The following JMJD1C variants were observed in gnomAD, a reference collection of about 807,000 sequenced individuals.
JMJD1C encodes the protein jumonji domain containing 1C.
A neutral mutation model predicts 245.3 loss-of-function variants in JMJD1C; 31 were observed. That is an observed-to-expected ratio of 0.13 (90% CI 0.09 to 0.17). JMJD1C has a LOEUF of 0.17. JMJD1C is among the 10% of genes least tolerant of loss of function. The probability of loss-of-function intolerance (pLI) is 1.00; values close to 1 mark genes in which losing one functional copy is unlikely to be tolerated. For synonymous variants in JMJD1C, 1,057 were observed against 1,017.4 expected, an observed-to-expected ratio of 1.04 and a Z score of -0.74; for missense variants, 2,691 against 3,000.2, an observed-to-expected ratio of 0.90 and a Z score of 2.41.
rs544257430 is a variant in JMJD1C, at chr10:63,344,735, A to G, written c.333+35583T>C. Among the ~76,000 whole-genome samples, 4 of 126,374 alleles carry G rather than the reference A, an allele frequency of 3.2e-5. No homozygotes were observed. In the East Asian group the frequency reaches 1.5e-3, roughly 48 times the overall value. 82.9% of individuals were successfully genotyped at this position (126,374 alleles called of 152,430 possible). A position where few individuals can be genotyped will look rare whatever the true frequency, so the allele number is the denominator to read the frequency against. The stretch of plus-strand genomic sequence containing the variant: ...AAATGATTTAAACAAGCATGTCTCC[A>G]AAAAAAAAATAGACGGTAAAAAAGT... On this transcript the variant is annotated intron_variant, in intron 2 of 25. Coordinates refer to ENST00000399262, the MANE Select transcript of JMJD1C (RefSeq NM_032776.3).
At chr10:63,399,454 G>A (rs1272940551) in intron 1 of JMJD1C, among the ~76,000 whole-genome samples, 1 of 151,956 alleles carries the variant, frequency 6.6e-6, no homozygotes, top group Non-Finnish European at 1.5e-5. Context: ...TTTTTACAGT[G>A]GTCAGAATTA....
At chr10:63,428,501 T>C (rs1418272077) in intron 1 of JMJD1C, among the ~76,000 whole-genome samples, 1 of 152,234 alleles carries the variant, frequency 6.6e-6, no homozygotes, top group Non-Finnish European at 1.5e-5. Flanking sequence ...ATCCTTAAAA[T>C]TCCTTTCTTG....
intron 3 of JMJD1C, among the ~76,000 whole-genome samples, chr10:63,261,589 A>C (rs1854765565): frequency 6.6e-6 from 1 of 152,094 alleles, no homozygotes; most frequent in Non-Finnish European, 1.5e-5. Context: ...AGAAGAAAAA[A>C]AGCTGACCAG....
intron 2 of JMJD1C, among the ~76,000 whole-genome samples, chr10:63,379,150 T>A (rs7910927): frequency 6.6e-6 from 1 of 151,676 alleles, no homozygotes; most frequent in Non-Finnish European, 1.5e-5. Context: ...AAATAGAAAA[T>A]TTATATGCAT....
chr10:63,217,193 G>A lies in JMJD1C; in HGVS notation c.678+14C>T, dbSNP rs769562971. 2.1e-5 allele frequency: 33 copies of A among 1,596,256 alleles called. No individual in the cohort carries two copies. The highest frequency in any genetic ancestry group is 2.6e-5 in the Non-Finnish European group (31 of 1,173,716). On this transcript the variant is annotated intron_variant, in intron 5 of 25. Coordinates refer to ENST00000399262, the MANE Select transcript of JMJD1C (RefSeq NM_032776.3). ...TTTTAAAATCTCTATAAAAATATTA[G>A]TGGAACTATTTACCTGATCATTCAT...
intron 22 of JMJD1C, among the ~76,000 whole-genome samples, chr10:63,182,314 G>C (rs999032604): frequency 6.6e-6 from 1 of 152,206 alleles, no homozygotes; most frequent in Non-Finnish European, 1.5e-5. Flanking sequence ...TATTCAAAGA[G>C]GTTGTGATTA....
intron 2 of JMJD1C, among the ~76,000 whole-genome samples, chr10:63,336,665 C>G (rs1488825723): frequency 6.6e-6 from 1 of 152,092 alleles, no homozygotes; most frequent in Non-Finnish European, 1.5e-5. Flanking sequence ...CACCATCTGT[C>G]TCAATGACAT....
intron 1 of JMJD1C, among the ~76,000 whole-genome samples, chr10:63,440,098 G>A (rs1259141274): frequency 6.6e-6 from 1 of 152,184 alleles, no homozygotes; most frequent in Non-Finnish European, 1.5e-5. Context: ...ACTTTGGGAG[G>A]CCAAGGTGGG....
At chr10:63,390,851 T>A (rs1169460364) in intron 1 of JMJD1C, among the ~76,000 whole-genome samples, 1 of 152,060 alleles carries the variant, frequency 6.6e-6, no homozygotes, top group Non-Finnish European at 1.5e-5. Flanking sequence ...TACCTCAACA[T>A]AATAAAGGCC....
intron 1 of JMJD1C, among the ~76,000 whole-genome samples, chr10:63,433,378 G>A (rs1589740303): frequency 6.6e-6 from 1 of 152,150 alleles, no homozygotes; most frequent in Admixed American, 6.5e-5. Context: ...TTACAGGCTT[G>A]TGCCACCGCG....
At chr10:63,386,773 G>A (rs984633549) in intron 1 of JMJD1C, among the ~76,000 whole-genome samples, 1 of 152,072 alleles carries the variant, frequency 6.6e-6, no homozygotes, top group Non-Finnish European at 1.5e-5. Flanking sequence ...ACTATGCCAC[G>A]CCTACCGCCC....
In JMJD1C at chr10:63,203,145, GATATT is replaced by G. The variant is rs539803523; in HGVS notation, c.5075-2473_5075-2469del. On this transcript the variant is annotated intron_variant, in intron 10 of 25. Coordinates refer to ENST00000399262, the MANE Select transcript of JMJD1C (RefSeq NM_032776.3). ...GGCCCAATTCATACGTAGAGCTTTT[GATATT>G]ATAATTTTTGCTTCTAGACAAGGCC... 95 of 984,824 alleles carry G rather than the reference GATATT, an allele frequency of 9.6e-5. No individual in the cohort carries two copies. The African/African-American group carries it at 1.5e-3, about 16-fold the overall frequency. 61.0% of individuals were successfully genotyped at this position (984,824 alleles called of 1,614,324 possible).
intron 2 of JMJD1C, among the ~76,000 whole-genome samples, chr10:63,315,820 C>CTAT (rs1939945365): frequency 9.4e-6 from 1 of 106,050 alleles, no homozygotes; most frequent in African/African-American, 3.9e-5. Context: ...AGCCTGGGGA[C>CTAT]AGAGTGAGAC....
rs987114657 is a variant in JMJD1C at position 63,432,446 on chromosome 10, G to C, written c.168+33049C>G. 2.6e-5 allele frequency among the ~76,000 whole-genome samples: 4 copies of C among 152,244 alleles called. No homozygotes were observed. In the East Asian group the frequency reaches 7.7e-4, roughly 29 times the overall value. ...AAGCAAATGAACCCACCCATTGTGT[G>C]TGTGTGACACTATGAGCCTTCTTGC... On this transcript the variant is annotated intron_variant, in intron 1 of 25. Coordinates refer to ENST00000399262, the MANE Select transcript of JMJD1C (RefSeq NM_032776.3).
intron 2 of JMJD1C, among the ~76,000 whole-genome samples, chr10:63,275,843 A>G (rs1214255458): frequency 6.6e-6 from 1 of 152,192 alleles, no homozygotes; most frequent in Non-Finnish European, 1.5e-5. Context: ...CAACCATATT[A>G]GTTATCAACA....
chr10:63,482,485 A>G (rs1393312872), intron 1 of JMJD1C, among the ~76,000 whole-genome samples: 1 of 152,058 alleles, frequency 6.6e-6, no homozygotes, highest in East Asian at 1.9e-4. Context: ...AAAATACAAA[A>G]CTTAGCTGGA....
intron 1 of JMJD1C, among the ~76,000 whole-genome samples, chr10:63,501,579 C>T (rs533165552): frequency 3.3e-5 from 5 of 152,110 alleles, no homozygotes; most frequent in Admixed American, 2.6e-4. Context: ...AGATCGAGAC[C>T]ATCCTGGCTA....
At chr10:63,319,362 T>A (rs1369231483) in intron 2 of JMJD1C, among the ~76,000 whole-genome samples, 7 of 127,376 alleles carry the variant, frequency 5.5e-5, no homozygotes, top group Non-Finnish European at 1.1e-4. Flanking sequence ...TGTTTGTGAC[T>A]TTTTTTTTTC....
intron 2 of JMJD1C, among the ~76,000 whole-genome samples, chr10:63,375,485 A>G (rs181724649): frequency 3.0e-4 from 46 of 152,254 alleles, no homozygotes; most frequent in African/African-American, 1.0e-3. Flanking sequence ...TAAAGAAAAC[A>G]TAAGTAAAAA....
Sources: allele counts gnomAD v4.1 joint callset (sites outside exome capture counted in the v4.1 genomes callset), GRCh38; gene constraint gnomAD v4.1.1; transcripts MANE v1.5; gene names NCBI Gene and HGNC (gene_info 2026-07-23, HGNC 2026-07-21).